Variants in UBAC2 observed in about 807,000 individuals in gnomAD.
UBAC2 encodes the protein ubiquitin-associated domain-containing protein 2.
A neutral mutation model predicts 44.0 loss-of-function variants in UBAC2; 26 were observed. The observed-to-expected ratio is 0.59, with a 90% CI of 0.43 to 0.82. The LOEUF (loss-of-function observed/expected upper bound fraction) is 0.82, where lower values mean the gene tolerates loss of function less well. Ranked by LOEUF, UBAC2 falls within the 40% of genes least tolerant of loss-of-function variation. The pLI, the probability that UBAC2 is intolerant of heterozygous loss-of-function variation, is 0.00. For synonymous variants in UBAC2, 155 were observed against 154.3 expected, an observed-to-expected ratio of 1.00 and a Z score of -0.04; for missense variants, 329 against 419.4, an observed-to-expected ratio of 0.78 and a Z score of 1.88.
chr13:99,369,093 G>A (rs2045372414), intron 8 of UBAC2, among the ~76,000 whole-genome samples: 3 of 152,094 alleles, frequency 2.0e-5, no homozygotes, highest in African/African-American at 7.2e-5. Context: ...ACATACACTG[G>A]AGGGAAGGAA....
At chr13:99,339,657 A>C (rs910627250) in intron 6 of UBAC2, among the ~76,000 whole-genome samples, 33 of 151,942 alleles carry the variant, frequency 2.2e-4, no homozygotes. Flanking sequence ...TTTTTTACAA[A>C]GGAATAGCCA....
chr13:99,314,822 C>CCCCCTGCTGGGCTCCAGG (rs1322677310), intron 5 of UBAC2: 1 of 152,364 alleles, frequency 6.6e-6, no homozygotes, highest in Non-Finnish European at 1.5e-5. Flanking sequence ...ATGTCAATTG[C>CCCCCTGCTGGGCTCCAGG]TCCCTGCTGG....
At chr13:99,383,811 G>T (rs917701154) in intron 8 of UBAC2, among the ~76,000 whole-genome samples, 5 of 152,234 alleles carry the variant, frequency 3.3e-5, no homozygotes, top group Non-Finnish European at 4.4e-5. Context: ...GTCCCTGTTG[G>T]CCCTCAACTC....
chr13:99,334,475 GTTAAAGTTGGAGTT>G (rs2044759017), intron 6 of UBAC2, among the ~76,000 whole-genome samples: 1 of 152,138 alleles, frequency 6.6e-6, no homozygotes, highest in African/African-American at 2.4e-5. Context: ...CTTTGTTTCA[GTTAAAGTTGGAGTT>G]TCCAAGAACC....
chr13:99,378,543 A>G (rs1566530429), intron 8 of UBAC2, among the ~76,000 whole-genome samples: 1 of 152,250 alleles, frequency 6.6e-6, no homozygotes, highest in Non-Finnish European at 1.5e-5. Context: ...AAAATAAAAA[A>G]TAAAAACTTC....
intron 8 of UBAC2, among the ~76,000 whole-genome samples, chr13:99,372,842 C>T (rs1197419022): frequency 3.9e-5 from 6 of 152,172 alleles, no homozygotes; most frequent in Admixed American, 1.3e-4. Context: ...AGGCCGGGCG[C>T]GGTGGCCCAC....
intron 1 of UBAC2, among the ~76,000 whole-genome samples, chr13:99,234,171 CTTTTTTTTT>C (rs773370310): frequency 8.1e-5 from 5 of 61,682 alleles, no homozygotes; most frequent in East Asian, 5.4e-4. Context: ...CTAGCCGTTT[CTTTTTTTTT>C]TTTTTTTTTT....
At chr13:99,276,894 C>G (rs936223581) in intron 4 of UBAC2, among the ~76,000 whole-genome samples, 1 of 152,216 alleles carries the variant, frequency 6.6e-6, no homozygotes, top group Non-Finnish European at 1.5e-5. Flanking sequence ...AGCCAGCCAG[C>G]AGGTGGGTAG....
chr13:99,353,765 G>GA (rs1418743437), intron 7 of UBAC2, among the ~76,000 whole-genome samples: 7 of 152,048 alleles, frequency 4.6e-5, no homozygotes, highest in East Asian at 1.9e-4. Context: ...TTCAAAACCA[G>GA]AAAAAAGCTC....
At chr13:99,283,968 C>T (rs368050221) in intron 4 of UBAC2, among the ~76,000 whole-genome samples, 2 of 152,076 alleles carry the variant, frequency 1.3e-5, no homozygotes, top group Admixed American at 6.5e-5. Context: ...CTCCTGACCT[C>T]GTGATCTGTC....
chr13:99,349,708 T>G (rs1479641522), intron 7 of UBAC2, among the ~76,000 whole-genome samples: 1 of 152,188 alleles, frequency 6.6e-6, no homozygotes, highest in Admixed American at 6.5e-5. Flanking sequence ...TTTAAGACTT[T>G]TACTATTTCT....
chr13:99,328,316 C>A (rs1442103755), intron 6 of UBAC2, among the ~76,000 whole-genome samples: 1 of 152,198 alleles, frequency 6.6e-6, no homozygotes, highest in African/African-American at 2.4e-5. Flanking sequence ...CTGCTGTGAA[C>A]ATCTGTGTAC....
intron 7 of UBAC2, among the ~76,000 whole-genome samples, chr13:99,355,556 C>T (rs1384495949): frequency 3.3e-5 from 5 of 152,240 alleles, no homozygotes; most frequent in African/African-American, 9.6e-5. Flanking sequence ...CTCTCACCAC[C>T]ACCTCCTCCT....
chr13:99,294,921 T>G (rs1038379979), intron 4 of UBAC2: 15 of 862,004 alleles, frequency 1.7e-5, no homozygotes, highest in Non-Finnish European at 2.6e-5. Flanking sequence ...TACTTCCGAG[T>G]TGGAGATGGG....
chr13:99,332,786 C>T (rs1477722561), intron 6 of UBAC2, among the ~76,000 whole-genome samples: 5 of 152,224 alleles, frequency 3.3e-5, no homozygotes, highest in East Asian at 3.8e-4. Flanking sequence ...GTGGCCCCTC[C>T]GTTTGCTCTT....
At position 99,383,172 on chromosome 13, in the gene UBAC2, G is replaced by A. The variant is rs545872184; in HGVS notation, c.928-2056G>A. On this transcript the variant is annotated intron_variant, in intron 8 of 8. Coordinates refer to ENST00000403766, the MANE Select transcript of UBAC2 (RefSeq NM_001144072.2). Reference sequence around the variant, plus strand: ...TGTGCATGTGTGTGTGTGTGCCTGTGCACGCTCTTGTGTAAGGAGCTGCAT... The same window carrying A: ...TGTGCATGTGTGTGTGTGTGCCTGTACACGCTCTTGTGTAAGGAGCTGCAT... Among the ~76,000 whole-genome samples the A allele has an allele frequency of 2.0e-5, 3 of 152,322 alleles. No individual in the cohort carries two copies. In the South Asian group the frequency reaches 6.2e-4, roughly 32 times the overall value.
At chr13:99,376,807 T>G (rs921505640) in intron 8 of UBAC2, 1 of 152,206 alleles carries the variant, frequency 6.6e-6, no homozygotes, top group Admixed American at 6.5e-5. Flanking sequence ...CAGAAACTTC[T>G]TGTGATGCCT....
At chr13:99,204,954 A>G (rs1176283279) in intron 1 of UBAC2, among the ~76,000 whole-genome samples, 1 of 117,850 alleles carries the variant, frequency 8.5e-6, no homozygotes, top group Non-Finnish European at 1.6e-5. Context: ...GCCAGGCTGG[A>G]GTGCAGCGGT....
intron 6 of UBAC2, among the ~76,000 whole-genome samples, chr13:99,333,609 G>A (rs2044746313): frequency 6.6e-6 from 1 of 152,184 alleles, no homozygotes; most frequent in Non-Finnish European, 1.5e-5. Context: ...TAGATAGATG[G>A]GATAGAAATG....
Sources: allele counts gnomAD v4.1 joint callset (sites outside exome capture counted in the v4.1 genomes callset), GRCh38; gene constraint gnomAD v4.1.1; transcripts MANE v1.5; gene names NCBI Gene and HGNC (gene_info 2026-07-23, HGNC 2026-07-21).